Variants in MTCL3 observed in about 807,000 individuals in gnomAD.
The protein encoded by MTCL3 is MTCL family member 3.
chr6:127,507,834 C>T, the MTCL3 span, among the ~76,000 whole-genome samples: 1 of 91,742 alleles, frequency 1.1e-5, no homozygotes, highest in Non-Finnish European at 1.9e-5. Context: ...CAGAGCAAGA[C>T]TATGTCTCAA....
At chr6:127,496,046 A>G in the MTCL3 span, among the ~76,000 whole-genome samples, 498 of 152,282 alleles carry the variant, frequency 3.3e-3, 1 homozygote, top group Non-Finnish European at 5.0e-3. Flanking sequence ...CCTGGACAAC[A>G]TGGTGAAACC....
chr6:127,500,289 T>A, the MTCL3 span, among the ~76,000 whole-genome samples: 2 of 152,188 alleles, frequency 1.3e-5, no homozygotes, highest in African/African-American at 4.8e-5. Context: ...GGCTAATATA[T>A]AATAAGACAT....
the MTCL3 span, among the ~76,000 whole-genome samples, chr6:127,493,521 C>T: frequency 6.6e-6 from 1 of 152,146 alleles, no homozygotes; most frequent in Non-Finnish European, 1.5e-5. Context: ...AGGCACATGT[C>T]AGAGGTGAGG....
At chr6:127,496,935 A>G in the MTCL3 span, among the ~76,000 whole-genome samples, 17 of 152,256 alleles carry the variant, frequency 1.1e-4, no homozygotes, top group African/African-American at 4.1e-4. Flanking sequence ...ATACAGTGCA[A>G]TTTCATTTAT....
chr6:127,476,598 G>T, the MTCL3 span: 1 of 691,254 alleles, frequency 1.4e-6, no homozygotes, highest in Non-Finnish European at 2.3e-6. The surrounding 1 kb of genome is among the most constrained non-coding windows in gnomAD (Gnocchi z 4.4). Flanking sequence ...AGAAACAGAA[G>T]CAGATACTGT....
At chr6:127,475,427 C>T in the MTCL3 span, 1 of 1,613,276 alleles carries the variant, frequency 6.2e-7, no homozygotes, top group Non-Finnish European at 8.5e-7. The surrounding 1 kb of genome is among the most constrained non-coding windows in gnomAD (Gnocchi z 7.3). Flanking sequence ...AGCTCGTGCT[C>T]CCGGATGCGG....
the MTCL3 span, among the ~76,000 whole-genome samples, chr6:127,484,243 G>A: frequency 2.0e-5 from 3 of 152,116 alleles, no homozygotes; most frequent in African/African-American, 4.8e-5. Flanking sequence ...AAAGGCATAC[G>A]TTCAAGCACA....
the MTCL3 span, among the ~76,000 whole-genome samples, chr6:127,507,705 T>C: frequency 3.3e-5 from 5 of 151,904 alleles, no homozygotes; most frequent in Non-Finnish European, 5.9e-5. Context: ...TAGCCGGGCA[T>C]AGTGGCGTGT....
At chr6:127,502,627 A>C in the MTCL3 span, among the ~76,000 whole-genome samples, 1 of 152,212 alleles carries the variant, frequency 6.6e-6, no homozygotes, top group Non-Finnish European at 1.5e-5. Flanking sequence ...TTGGGGTCCT[A>C]GACAGCTCTA....
the MTCL3 span, chr6:127,475,800 C>CA: frequency 6.2e-7 from 1 of 1,612,176 alleles, no homozygotes; most frequent in East Asian, 2.2e-5. This position sits in a 1 kb window ranked among gnomAD's most constrained non-coding sequence, Gnocchi z 7.3. Flanking sequence ...CGCGGATGCC[C>CA]AGGTGCGAGG....
At chr6:127,481,731 A>G in the MTCL3 span, among the ~76,000 whole-genome samples, 30 of 152,144 alleles carry the variant, frequency 2.0e-4, no homozygotes, top group Non-Finnish European at 3.4e-4. Flanking sequence ...GAGAGTTATA[A>G]TGTCAGAGGC....
chr6:127,496,497 T>A, the MTCL3 span, among the ~76,000 whole-genome samples: 1 of 152,176 alleles, frequency 6.6e-6, no homozygotes, highest in African/African-American at 2.4e-5. Context: ...TGCAGACCAA[T>A]GAAAACTAGA....
chr6:127,518,220 T>C, the MTCL3 span, among the ~76,000 whole-genome samples: 3 of 152,372 alleles, frequency 2.0e-5, no homozygotes, highest in East Asian at 5.8e-4. Context: ...TGGGTGGCAC[T>C]AACATGGGCT....
chr6:127,502,063 A>G, the MTCL3 span, among the ~76,000 whole-genome samples: 6 of 152,348 alleles, frequency 3.9e-5, no homozygotes, highest in East Asian at 5.8e-4. Context: ...TATGACAGCA[A>G]TCTTATCTTT....
the MTCL3 span, among the ~76,000 whole-genome samples, chr6:127,492,460 T>C: frequency 2.0e-5 from 3 of 151,784 alleles, no homozygotes; most frequent in Non-Finnish European, 4.4e-5. Flanking sequence ...ACAAGAAAAA[T>C]AAAGCTTAAT....
the MTCL3 span, among the ~76,000 whole-genome samples, chr6:127,494,717 G>A: frequency 1.1e-4 from 17 of 152,062 alleles, no homozygotes; most frequent in African/African-American, 4.1e-4. Context: ...GGTTATTAGA[G>A]GGTCTGTCAA....
the MTCL3 span, among the ~76,000 whole-genome samples, chr6:127,474,453 A>G: frequency 1.1e-4 from 17 of 150,602 alleles, no homozygotes; most frequent in Admixed American, 2.0e-4. Flanking sequence ...TAATTTTTGT[A>G]TTTTTAGTAT....
At chr6:127,475,359 G>C in the MTCL3 span, 1 of 1,613,288 alleles carries the variant, frequency 6.2e-7, no homozygotes, top group Non-Finnish European at 8.5e-7. This position sits in a 1 kb window ranked among gnomAD's most constrained non-coding sequence, Gnocchi z 7.3. Context: ...CGAGGCGGTC[G>C]ATGAAGGTCT....
At chr6:127,481,380 C>T in the MTCL3 span, 2 of 985,228 alleles carry the variant, frequency 2.0e-6, no homozygotes, top group Non-Finnish European at 2.4e-6. Context: ...ACTAAGGGAA[C>T]AGAGAGAAAG....
Sources: gnomAD v4.1 joint callset for allele counts (sites outside exome capture counted in the v4.1 genomes callset) on GRCh38, gnomAD v4.1.1 for gene constraint, Gnocchi (gnomAD v3.1) non-coding constraint, MANE v1.5 for transcripts, NCBI Gene and HGNC (gene_info 2026-07-23, HGNC 2026-07-21) for gene names.